COASY: variants seen among roughly 807,000 people sequenced by gnomAD.
COASY encodes bifunctional coenzyme A synthase.
In COASY, 31 loss-of-function variants were observed where a neutral mutation model predicts 49.4. That is an observed-to-expected ratio of 0.63 (90% confidence interval 0.47 to 0.85). The LOEUF (loss-of-function observed/expected upper bound fraction) is 0.85. Among genes scored for constraint, COASY ranks in the 40% least tolerant of loss-of-function variants. The pLI is 0.00. For synonymous variants in COASY, 285 were observed against 310.9 expected, an observed-to-expected ratio of 0.92 and a Z score of 0.88; for missense variants, 730 against 734.1, an observed-to-expected ratio of 0.99 and a Z score of 0.06.
chr17:42,565,676 G>A lies in COASY; in HGVS notation c.1503G>A (p.Val501=). ...GTGCTCAGGCTGTAAGACGCATTGT[G>A]GAGAGGGATGGCCTCAGTGAAGCCG... ...IPETEAVRRI[V]ERDGLSEAAA... is the part of the protein sequence containing the mutation. The change falls in exon 8 of 9, where the codon GTG becomes GTA. Residue 501 remains valine (V), a synonymous_variant. Transcript: ENST00000393818. The A allele has an allele frequency of 6.2e-7, 1 of 1,614,144 alleles. No individual in the cohort carries two copies. The highest frequency in any genetic ancestry group is 8.5e-7 in the Non-Finnish European group (1 of 1,180,038).
At position 42,563,772 on chromosome 17, in the gene COASY, G is replaced by T. The variant is rs2092988868; in HGVS notation, c.701-189G>T. 8.5e-6 allele frequency: 5 copies of T among 587,220 alleles called. No homozygotes were observed. The South Asian group carries it at 1.1e-4, about 13-fold the overall frequency. The allele number at this position is 587,220 out of a possible 1,614,324, so 36.4% of individuals were successfully genotyped here. ...TTCTCTGGACACATGCCAGCCCTTG[G>T]AGTGACTATTGTGCTTGCCTGTTTC... On this transcript the variant is annotated intron_variant, in intron 1 of 8. Coordinates refer to ENST00000393818, the MANE Select transcript of COASY (RefSeq NM_025233.7).
chr17:42,565,997 C>G lies in COASY; in HGVS notation c.*29C>G, dbSNP rs2143229560. 6.2e-7 allele frequency: 1 copy of G among 1,612,502 alleles called. No homozygotes were observed. Among genetic ancestry groups the G allele is most frequent in the African/African-American group, 1.3e-5 (1 of 75,012 alleles). On this transcript the variant is annotated 3_prime_UTR_variant, in exon 9 of 9. Coordinates refer to ENST00000393818, the MANE Select transcript of COASY (RefSeq NM_025233.7). Reference sequence around the variant, plus strand: ...GTTCTCAGTGGGGCCAGACTGGCTCCTGGAGCTGACAAGCGACCCCGTGGT... The same window carrying G: ...GTTCTCAGTGGGGCCAGACTGGCTCGTGGAGCTGACAAGCGACCCCGTGGT...
At chr17:42,563,769 T>C in intron 1 of COASY, 192 bp from the exon 2 acceptor site, 1 of 585,252 alleles carries the variant, frequency 1.7e-6, no homozygotes, top group South Asian at 2.2e-5. Context: ...ATGCCAGCCC[T>C]TGGAGTGACT....
Position 42,563,270 on chromosome 17 carries a change from C to G in COASY, c.648C>G (p.Ile216Met). ...AGGTGTTGCTCAGTGTCGCGTGCAT[C>G]CTGGCCCAGGAGCAGCTTGTGGTGG... ...AHKVLLSVAC[I>M]LAQEQLVVGV... The change falls in exon 1 of 9, where the codon ATC becomes ATG. Residue 216 changes from isoleucine (I) to methionine (M), a missense_variant. By Grantham distance (10) the Ile-to-Met change is conservative. Transcript: ENST00000393818. 1 of 1,609,066 alleles carries G rather than the reference C, an allele frequency of 6.2e-7. No individual in the cohort carries two copies. The highest frequency in any genetic ancestry group is 1.3e-5 in the African/African-American group (1 of 75,022).
chr17:42,565,142 C>T (rs2143216226), intron 5 of COASY, 85 bp from the exon 6 acceptor site: 3 of 1,588,568 alleles, frequency 1.9e-6, no homozygotes, highest in East Asian at 4.5e-5. Flanking sequence ...ATGCCATTTC[C>T]ATTGATCTGT....
rs1435541208 is a variant in COASY, at chr17:42,562,837, A to C, written c.215A>C (p.Tyr72Ser). 1.2e-6 allele frequency: 2 copies of C among 1,613,244 alleles called. No individual in the cohort carries two copies. Among genetic ancestry groups the C allele is most frequent in the Non-Finnish European group, 1.7e-6 (2 of 1,179,662 alleles). ...GTTCTTGATTTCATCACGCACCTCT[A>C]TGCTGGCGCCGACGTCCACAGGCAC... Reference protein sequence around the residue: ...FEVLDFITHLYAGADVHRHLD... With the variant: ...FEVLDFITHLSAGADVHRHLD... The change falls in exon 1 of 9, where the codon TAT (tyrosine) becomes TCT (serine). Residue 72 changes from tyrosine to serine, a missense_variant. Transcript: ENST00000393818.
In COASY at chr17:42,565,911, G is replaced by A. The variant is rs1259983873; in HGVS notation, c.1638G>A (p.Glu546=). 2.5e-6 allele frequency: 4 copies of A among 1,614,000 alleles called. No homozygotes were observed. The East Asian group carries it at 6.7e-5, about 27-fold the overall frequency. The change falls in exon 9 of 9, where the codon GAG becomes GAA. Residue 546 remains glutamate (E), a synonymous_variant. Coordinates refer to ENST00000393818, the MANE Select transcript of COASY (RefSeq NM_025233.7). ...WEPHITQRQV[E]KAWALLQKRI... ...ACATCCTGGCCTGTCTGAAGGTGGA[G>A]AAAGCCTGGGCCCTCTTGCAGAAGC... is the stretch of plus-strand genomic sequence containing the variant.
In COASY at chr17:42,565,649, C is replaced by A. The variant is rs2143224304; in HGVS notation, c.1486-10C>A. ...GAATTCTTCCTGACAAATGTCTCGT[C>A]TGTGCTCAGGCTGTAAGACGCATTG... is the stretch of plus-strand genomic sequence containing the variant. On this transcript the variant is annotated splice_polypyrimidine_tract_variant and intron_variant, in intron 7 of 8. Transcript: ENST00000393818. The A allele has an allele frequency of 6.2e-7, 1 of 1,614,148 alleles. No homozygotes were observed. Among genetic ancestry groups the A allele is most frequent in the Admixed American group, 1.7e-5 (1 of 60,034 alleles).
chr17:42,564,327 C>T (rs561196674), intron 2 of COASY, 119 bp from the exon 3 acceptor site: 95 of 1,514,510 alleles, frequency 6.3e-5, no homozygotes, highest in African/African-American at 9.7e-5. Context: ...TCAGTTTGCC[C>T]GCTGAGTCGG....
At chr17:42,563,912 CT>C (rs773731771) in intron 1 of COASY, 48 bp from the exon 2 acceptor site, 15 of 1,491,802 alleles carry the variant, frequency 1.0e-5, no homozygotes, top group Admixed American at 1.8e-5. Context: ...GGCCCATACT[CT>C]CCTCCCCAAT....
At position 42,565,569 on chromosome 17, in the gene COASY, G is replaced by T. The variant is rs774611804; in HGVS notation, c.1485+1G>T. ...GACTGCTGTCATCCCAGAGACTGAGGTATCTCGCCCCACCCCCCACACCAT... is the reference window on the plus strand; with the variant it reads ...GACTGCTGTCATCCCAGAGACTGAGTTATCTCGCCCCACCCCCCACACCAT... On this transcript the variant is annotated splice_donor_variant, in intron 7 of 8. Coordinates refer to ENST00000393818, the MANE Select transcript of COASY (RefSeq NM_025233.7). LOFTEE classifies it high-confidence loss of function. The T allele has an allele frequency of 1.2e-6, 2 of 1,614,040 alleles. No individual in the cohort carries two copies. Among genetic ancestry groups the T allele is most frequent in the South Asian group, 1.1e-5 (1 of 91,090 alleles).
In COASY at chr17:42,564,079, T is replaced by C; in HGVS notation, c.819T>C (p.Tyr273=). The stretch of plus-strand genomic sequence containing the variant: ...ATGTCATCCCCCTGCTGGACCCCTA[T>C]GGGCCCGCTGGCTCTGACCCCTCCC... ...TFDVIPLLDP[Y]GPAGSDPSLE... Residue 273 remains tyrosine (Y), a synonymous_variant, in exon 2 of 9, where the codon TAT becomes TAC. Coordinates refer to ENST00000393818, the MANE Select transcript of COASY (RefSeq NM_025233.7). The C allele has an allele frequency of 6.2e-7, 1 of 1,614,064 alleles. No individual in the cohort carries two copies.
At position 42,565,768 on chromosome 17, in the gene COASY, T is replaced by C; in HGVS notation, c.1595T>C (p.Leu532Pro). The C allele has an allele frequency of 6.2e-7, 1 of 1,613,874 alleles. No individual in the cohort carries two copies. The highest frequency in any genetic ancestry group is 8.5e-7 in the Non-Finnish European group (1 of 1,180,020). The change falls in exon 8 of 9, where the codon CTC becomes CCC. Residue 532 changes from leucine to proline, a missense_variant. Leu to Pro is a moderately conservative substitution (Grantham distance 98, BLOSUM62 -3). Transcript: ENST00000393818. ...QQLVEQSHVV[L>P]STLWEPHITQ... ...CTTGTGGAACAGAGCCACGTGGTGC[T>C]CAGCACCTTGTGGGAGCCGCATATC...
At position 42,562,302 on chromosome 17, in the gene COASY, A is replaced by G. The variant is rs1446139026; in HGVS notation, c.-321A>G. On this transcript the variant is annotated 5_prime_UTR_variant, in exon 1 of 9. Transcript: ENST00000393818. ...CTTGAAGACCCTGGTGCAGCTTAGCAAGAGGGCCCAGGATTTTTGGATCCC... is the reference window on the plus strand; with the variant it reads ...CTTGAAGACCCTGGTGCAGCTTAGCGAGAGGGCCCAGGATTTTTGGATCCC... 2.0e-6 allele frequency: 2 copies of G among 982,658 alleles called. No homozygotes were observed. The highest frequency in any genetic ancestry group is 3.2e-6 in the Non-Finnish European group (2 of 632,532). 60.9% of individuals were successfully genotyped at this position (982,658 alleles called of 1,614,324 possible).
chr17:42,565,441 C>T (rs780582354), intron 6 of COASY, 30 bp from the exon 7 acceptor site: 3 of 1,613,412 alleles, frequency 1.9e-6, no homozygotes, highest in Non-Finnish European at 2.5e-6. Context: ...AACGTCGGCA[C>T]TGCTGGCGGT....
Position 42,562,751 on chromosome 17 carries a change from G to A in COASY, c.129G>A (p.Pro43=), listed in dbSNP as rs765361096. 5 of 1,594,070 alleles carry A rather than the reference G, an allele frequency of 3.1e-6. No individual in the cohort carries two copies. The highest frequency in any genetic ancestry group is 1.1e-5 in the South Asian group (1 of 90,424). The change falls in exon 1 of 9, where the codon CCG becomes CCA. Residue 43 remains proline, a synonymous_variant. Coordinates refer to ENST00000393818, the MANE Select transcript of COASY (RefSeq NM_025233.7). ...VNHTLYVHLQ[P]GMSLEGPAQP... Reference sequence around the variant, plus strand: ...ACACACTCTATGTTCACCTGCAGCCGGGCATGAGCCTGGAGGGCCCGGCTC... The same window carrying A: ...ACACACTCTATGTTCACCTGCAGCCAGGCATGAGCCTGGAGGGCCCGGCTC...
Position 42,563,165 on chromosome 17 carries a change from C to T in COASY, c.543C>T (p.Ala181=). The T allele has an allele frequency of 6.2e-7, 1 of 1,613,936 alleles. No individual in the cohort carries two copies. The highest frequency in any genetic ancestry group is 2.2e-5 in the East Asian group (1 of 44,884). ...PSTIRPASPV[A]GSPKQPVRGY... ...CGATCAGGCCAGCTTCCCCCGTGGC[C>T]GGGTCTCCAAAGCAGCCGGTGCGTG... Residue 181 remains alanine, a synonymous_variant, in exon 1 of 9, where the codon GCC becomes GCT. Transcript: ENST00000393818.
rs756650004 is a variant in COASY, at chr17:42,565,095, G to A, written c.1302+48G>A. On this transcript the variant is annotated intron_variant, in intron 5 of 8. Transcript: ENST00000393818. ...CTCCTAAGCCGCTACTAGACCCAGG[G>A]GTCAGGGTCCAGTGGACCTCTCTGG... 3.1e-6 allele frequency: 5 copies of A among 1,595,968 alleles called. No homozygotes were observed. The Admixed American group carries it at 8.3e-5, about 27-fold the overall frequency.
Position 42,562,689 on chromosome 17 carries a change from G to A in COASY, c.67G>A (p.Ala23Thr), listed in dbSNP as rs754010252. Reference sequence around the variant, plus strand: ...GCTGGCCTCCCTAGCCCCTCGCCTGGCCTCCATCCTGACCTCGGCGGCCCG... The same window carrying A: ...GCTGGCCTCCCTAGCCCCTCGCCTGACCTCCATCCTGACCTCGGCGGCCCG... ...TPLASLAPRL[A>T]SILTSAARLV... is the part of the protein sequence containing the mutation. Residue 23 changes from alanine to threonine, a missense_variant, in exon 1 of 9, where the codon GCC (alanine) becomes ACC (threonine). Coordinates refer to ENST00000393818, the MANE Select transcript of COASY (RefSeq NM_025233.7). The A allele has an allele frequency of 1.3e-6, 2 of 1,547,700 alleles. No individual in the cohort carries two copies. Among genetic ancestry groups the A allele is most frequent in the Admixed American group, 1.9e-5 (1 of 52,228 alleles).
Sources: allele counts gnomAD v4.1 joint callset, GRCh38; gene constraint gnomAD v4.1.1; transcripts MANE v1.5; gene names NCBI Gene and HGNC (gene_info 2026-07-23, HGNC 2026-07-21).